DPP10: variants seen among roughly 807,000 people sequenced by gnomAD.
DPP10 encodes dipeptidyl peptidase like 10.
In DPP10, 33 loss-of-function variants were observed where a neutral mutation model predicts 120.9. That is an observed-to-expected ratio of 0.27 (90% CI 0.21 to 0.37). DPP10 has a LOEUF of 0.37. Ranked by LOEUF, DPP10 falls within the 10% of genes least tolerant of loss-of-function variation. DPP10 has a pLI of 1.00. For synonymous variants in DPP10, 337 were observed against 326.1 expected, an observed-to-expected ratio of 1.03 and a Z score of -0.36; for missense variants, 816 against 942.8, an observed-to-expected ratio of 0.87 and a Z score of 1.76.
intron 17 of DPP10, among the ~76,000 whole-genome samples, chr2:115,786,768 G>A (rs113965295): frequency 1.6e-4 from 24 of 152,332 alleles, no homozygotes; most frequent in African/African-American, 5.8e-4. Flanking sequence ...CTTATGGAAT[G>A]TTGAGGAATG....
At chr2:114,540,739 TGA>T (rs1197930985) in intron 1 of DPP10, among the ~76,000 whole-genome samples, 1 of 152,226 alleles carries the variant, frequency 6.6e-6, no homozygotes, top group East Asian at 1.9e-4. Flanking sequence ...GAGTCTAAAC[TGA>T]GAGAGTTCAT....
At chr2:115,658,511 A>G (rs1360478639) in intron 5 of DPP10, among the ~76,000 whole-genome samples, 1 of 152,092 alleles carries the variant, frequency 6.6e-6, no homozygotes, top group Non-Finnish European at 1.5e-5. Context: ...TGTTAACATC[A>G]TTCATAAATT....
At chr2:114,731,707 A>G (rs75142693) in intron 1 of DPP10, among the ~76,000 whole-genome samples, 25 of 152,316 alleles carry the variant, frequency 1.6e-4, no homozygotes, top group African/African-American at 6.0e-4. Flanking sequence ...ACAACAAAAC[A>G]CATGAAATAG....
At chr2:115,389,276 C>G (rs201741348) in intron 3 of DPP10, among the ~76,000 whole-genome samples, 2 of 76,218 alleles carry the variant, frequency 2.6e-5, no homozygotes, top group Non-Finnish European at 5.8e-5. Flanking sequence ...CACACACACA[C>G]AAACACACAC....
chr2:114,475,620 A>C (rs1287638946), intron 1 of DPP10, among the ~76,000 whole-genome samples: 1 of 152,176 alleles, frequency 6.6e-6, no homozygotes, highest in Non-Finnish European at 1.5e-5. Flanking sequence ...TCTGAATATT[A>C]ACATTTTTTA....
At chr2:114,966,793 G>A (rs1056762225) in intron 1 of DPP10, among the ~76,000 whole-genome samples, 2 of 152,234 alleles carry the variant, frequency 1.3e-5, no homozygotes, top group Non-Finnish European at 2.9e-5. Flanking sequence ...TGTAATCCCA[G>A]CACTTTGGGA....
At chr2:115,233,306 G>C (rs996851474) in intron 1 of DPP10, among the ~76,000 whole-genome samples, 1 of 151,992 alleles carries the variant, frequency 6.6e-6, no homozygotes, top group Non-Finnish European at 1.5e-5. Flanking sequence ...TGTTCCCACT[G>C]TGCTTCCCGA....
At chr2:115,169,838 A>C (rs2053183113) in intron 1 of DPP10, among the ~76,000 whole-genome samples, 1 of 152,216 alleles carries the variant, frequency 6.6e-6, no homozygotes, top group African/African-American at 2.4e-5. Flanking sequence ...GTCAAGACAA[A>C]ATAACTATGT....
intron 1 of DPP10, among the ~76,000 whole-genome samples, chr2:114,930,637 T>C (rs1316802731): frequency 6.6e-6 from 1 of 152,250 alleles, no homozygotes; most frequent in African/African-American, 2.4e-5. Context: ...TTTGTGTTTC[T>C]ATAAAGGAAT....
intron 5 of DPP10, among the ~76,000 whole-genome samples, chr2:115,566,433 GTTTA>G (rs768142889): frequency 1.4e-4 from 21 of 151,686 alleles, no homozygotes; most frequent in East Asian, 7.7e-4. Context: ...TCATTCATGT[GTTTA>G]TTTATTTATT....
At chr2:115,800,117 G>T (rs1427638324) in intron 19 of DPP10, among the ~76,000 whole-genome samples, 1 of 150,932 alleles carries the variant, frequency 6.6e-6, no homozygotes. Flanking sequence ...ACTTTTTAAT[G>T]ATCGCCATTA....
intron 1 of DPP10, among the ~76,000 whole-genome samples, chr2:115,111,752 A>C (rs1196583755): frequency 6.6e-6 from 1 of 152,226 alleles, no homozygotes; most frequent in Non-Finnish European, 1.5e-5. Context: ...AATAGGATCC[A>C]TCCAGAGCAA....
intron 1 of DPP10, among the ~76,000 whole-genome samples, chr2:115,229,705 CTAT>C (rs1337516037): frequency 4.0e-4 from 55 of 136,874 alleles, no homozygotes; most frequent in African/African-American, 1.6e-3. Context: ...CTATTCTATT[CTAT>C]TCTATTCTAT....
At chr2:115,597,839 C>T (rs1297149083) in intron 5 of DPP10, among the ~76,000 whole-genome samples, 1 of 151,942 alleles carries the variant, frequency 6.6e-6, no homozygotes, top group Non-Finnish European at 1.5e-5. Context: ...CTTCATCAGA[C>T]CAACTCTTCT....
chr2:115,718,137 T>G (rs1464654781), intron 7 of DPP10, among the ~76,000 whole-genome samples: 2 of 152,158 alleles, frequency 1.3e-5, no homozygotes, highest in Non-Finnish European at 1.5e-5. Flanking sequence ...AAATTGTAAT[T>G]ATATCTTTTA....
chr2:115,531,269 T>C (rs539012036), intron 5 of DPP10, among the ~76,000 whole-genome samples: 1 of 151,992 alleles, frequency 6.6e-6, no homozygotes, highest in Admixed American at 6.6e-5. Flanking sequence ...ACAGAAACTC[T>C]AGGAGTGGGC....
intron 1 of DPP10, among the ~76,000 whole-genome samples, chr2:114,882,354 C>A (rs181791384): frequency 6.6e-6 from 1 of 152,136 alleles, no homozygotes; most frequent in Non-Finnish European, 1.5e-5. Flanking sequence ...ATGGCATTTG[C>A]AGCAAGTTGG....
chr2:115,503,616 G>C (rs1049460160), intron 4 of DPP10, among the ~76,000 whole-genome samples: 2 of 152,156 alleles, frequency 1.3e-5, no homozygotes, highest in Non-Finnish European at 2.9e-5. Context: ...TTAATTATTT[G>C]TAAGATTTGG....
chr2:115,236,699 C>T (rs1360139689), intron 1 of DPP10, among the ~76,000 whole-genome samples: 1 of 152,118 alleles, frequency 6.6e-6, no homozygotes, highest in East Asian at 1.9e-4. Flanking sequence ...CTCTCTTACA[C>T]TGAGGATTAG....
Sources: allele counts gnomAD v4.1 joint callset (sites outside exome capture counted in the v4.1 genomes callset), GRCh38; gene constraint gnomAD v4.1.1; transcripts MANE v1.5; gene names NCBI Gene and HGNC (gene_info 2026-07-23, HGNC 2026-07-21).